Variants in PARD6G observed in about 807,000 individuals in gnomAD.
PARD6G encodes the protein par-6 family cell polarity regulator gamma.
A neutral mutation model predicts 10.7 loss-of-function variants in PARD6G; 7 were observed. The observed-to-expected ratio is 0.66, with a 90% CI of 0.37 to 1.23. The LOEUF (loss-of-function observed/expected upper bound fraction) is 1.23, where lower values mean the gene tolerates loss of function less well. Ranked by LOEUF, PARD6G falls within the 50% of genes most tolerant of loss-of-function variation. The pLI is 0.02. For missense variants in PARD6G, 548 were observed against 571.8 expected, an observed-to-expected ratio of 0.96 and a Z score of 0.42; for synonymous variants, 287 against 269.4, an observed-to-expected ratio of 1.07 and a Z score of -0.64.
chr18:80,205,235 C>T (rs1372406391), intron 1 of PARD6G, among the ~76,000 whole-genome samples: 1 of 152,218 alleles, frequency 6.6e-6, no homozygotes, highest in Non-Finnish European at 1.5e-5. Flanking sequence ...GACACTGGTA[C>T]AGCATGTAGG....
intron 1 of PARD6G, among the ~76,000 whole-genome samples, chr18:80,222,393 G>A (rs1343689442): frequency 6.6e-6 from 1 of 152,072 alleles, no homozygotes; most frequent in Non-Finnish European, 1.5e-5. Context: ...CCAGCCGGAA[G>A]ACTTAATATT....
chr18:80,177,714 C>T (rs899987881), intron 2 of PARD6G, among the ~76,000 whole-genome samples: 13 of 151,264 alleles, frequency 8.6e-5, no homozygotes, highest in African/African-American at 2.7e-4. Flanking sequence ...CACATATACA[C>T]GCAAACACGC....
chr18:80,222,756 G>A (rs930144000), intron 1 of PARD6G, among the ~76,000 whole-genome samples: 1 of 152,002 alleles, frequency 6.6e-6, no homozygotes. Flanking sequence ...TCACTAAAAC[G>A]TCCATCTCCT....
chr18:80,159,825 G>C lies in PARD6G; in HGVS notation c.1077C>G (p.Ser359Arg). The change falls in exon 3 of 3, where the codon AGC becomes AGG. Residue 359 changes from serine to arginine, a missense_variant. Physicochemically the swap from Ser to Arg is moderately radical, Grantham distance 110. Coordinates refer to ENST00000353265, the MANE Select transcript of PARD6G (RefSeq NM_032510.4). ...LSSLRADPRHSLALPPGGVEE... is the reference protein window; with the variant it reads ...LSSLRADPRHRLALPPGGVEE... ...CCACGCCGCCTGGCGGCAGCGCCAG[G>C]CTGTGACGGGGGTCGGCCCGCAGGG... is the stretch of plus-strand genomic sequence containing the variant. 1 of 1,486,868 alleles carries C rather than the reference G, an allele frequency of 6.7e-7. No homozygotes were observed. Among genetic ancestry groups the C allele is most frequent in the Non-Finnish European group, 8.9e-7 (1 of 1,123,080 alleles). 92.1% of individuals were successfully genotyped at this position (1,486,868 alleles called of 1,614,324 possible).
chr18:80,169,993 G>A (rs11664365), intron 2 of PARD6G: 28,290 of 152,228 alleles, frequency 0.19, 2,833 homozygotes, highest in Middle Eastern at 0.28. Flanking sequence ...ACACCACGTC[G>A]GAGACTTCAG....
intron 2 of PARD6G, among the ~76,000 whole-genome samples, chr18:80,191,020 C>G (rs1018383867): frequency 6.6e-6 from 1 of 152,208 alleles, no homozygotes; most frequent in Non-Finnish European, 1.5e-5. Context: ...TCTCATCCAA[C>G]GGTAAAACAA....
chr18:80,231,264 G>A lies in PARD6G; in HGVS notation c.72+16013C>T, dbSNP rs2145301672. ...GGGGTTGGCCTGGGCCCAAGTGTGT[G>A]AGGCGTGAGCACAGGCTGCGCATCT... On this transcript the variant is annotated intron_variant, in intron 1 of 2. Transcript: ENST00000353265. The surrounding 1 kb of genome is among the most constrained non-coding windows in gnomAD (Gnocchi z 4.2). 6.6e-6 allele frequency among the ~76,000 whole-genome samples: 1 copy of A among 152,326 alleles called. No individual in the cohort carries two copies. Among genetic ancestry groups the A allele is most frequent in the Non-Finnish European group, 1.5e-5 (1 of 68,024 alleles).
At position 80,166,278 on chromosome 18, in the gene PARD6G, G is replaced by T. The variant is rs560939257; in HGVS notation, c.296-5672C>A. On this transcript the variant is annotated intron_variant, in intron 2 of 2. Transcript: ENST00000353265. Reference sequence around the variant, plus strand: ...ACACAGCACACCACCCCAATCATGAGTGTGTTCCTCCTCTCTGCCGCACCC... The same window carrying T: ...ACACAGCACACCACCCCAATCATGATTGTGTTCCTCCTCTCTGCCGCACCC... 6.6e-4 allele frequency among the ~76,000 whole-genome samples: 100 copies of T among 151,054 alleles called. 1 individual carries two copies. Among genetic ancestry groups the T allele is most frequent in the African/African-American group, 2.3e-3 (95 of 40,826 alleles).
chr18:80,158,277 G>T lies in PARD6G; in HGVS notation c.*1494C>A, dbSNP rs1038449256. Reference sequence around the variant, plus strand: ...TAGCATGTATTGTGACTTACTAAAAGAAACGTCTGTTTCAGAAAACAAAGA... The same window carrying T: ...TAGCATGTATTGTGACTTACTAAAATAAACGTCTGTTTCAGAAAACAAAGA... On this transcript the variant is annotated 3_prime_UTR_variant, in exon 3 of 3. Coordinates refer to ENST00000353265, the MANE Select transcript of PARD6G (RefSeq NM_032510.4). The T allele has an allele frequency of 6.6e-6, 1 of 152,200 alleles. No individual in the cohort carries two copies. Among genetic ancestry groups the T allele is most frequent in the Non-Finnish European group, 1.5e-5 (1 of 68,022 alleles). 9.4% of individuals were successfully genotyped at this position (152,200 alleles called of 1,614,324 possible).
chr18:80,230,272 G>A (rs1166179657), intron 1 of PARD6G, among the ~76,000 whole-genome samples: 2 of 152,222 alleles, frequency 1.3e-5, no homozygotes, highest in Non-Finnish European at 2.9e-5. Flanking sequence ...GGGAGCACCT[G>A]TGCACATCTG....
chr18:80,184,238 G>A lies in PARD6G; in HGVS notation c.295+18472C>T, dbSNP rs2052861846. On this transcript the variant is annotated intron_variant, in intron 2 of 2. Coordinates refer to ENST00000353265, the MANE Select transcript of PARD6G (RefSeq NM_032510.4). The surrounding 1 kb of genome is among the most constrained non-coding windows in gnomAD (Gnocchi z 4.5). ...GTCCGCTCTTATTCCTTTCAGCCTC[G>A]GCACTGATGGTCCTAGGGCAACTCT... 6.6e-6 allele frequency: 1 copy of A among 152,206 alleles called. No individual in the cohort carries two copies. The highest frequency in any genetic ancestry group is 1.5e-5 in the Non-Finnish European group (1 of 68,048). The allele number at this position is 152,206 out of a possible 1,614,324, so 9.4% of individuals were successfully genotyped here.
intron 2 of PARD6G, among the ~76,000 whole-genome samples, chr18:80,165,730 T>G (rs1417533111): frequency 7.2e-6 from 1 of 138,474 alleles, no homozygotes; most frequent in African/African-American, 2.4e-5. Context: ...AGTAAAGGTT[T>G]GTTTTGAAAA....
Position 80,159,567 on chromosome 18 carries a change from C to G in PARD6G, c.*204G>C, listed in dbSNP as rs9945590. ...TGCACTCAGGCCTGGTATAGAGTGT[C>G]TCTACAGGCGTTCATTTTAAGTTCT... is the stretch of plus-strand genomic sequence containing the variant. On this transcript the variant is annotated 3_prime_UTR_variant, in exon 3 of 3. Coordinates refer to ENST00000353265, the MANE Select transcript of PARD6G (RefSeq NM_032510.4). 156,275 of 778,420 alleles carry G rather than the reference C, an allele frequency of 0.2. 16,711 individuals carry two copies. Among genetic ancestry groups the G allele is most frequent in the Middle Eastern group, 0.24 (612 of 2,568 alleles). 48.2% of individuals were successfully genotyped at this position (778,420 alleles called of 1,614,324 possible).
At position 80,224,086 on chromosome 18, in the gene PARD6G, C is replaced by T. The variant is rs367600194; in HGVS notation, c.73-21154G>A. On this transcript the variant is annotated intron_variant, in intron 1 of 2. Coordinates refer to ENST00000353265, the MANE Select transcript of PARD6G (RefSeq NM_032510.4). Reference sequence around the variant, plus strand: ...ACCCTGACCCCAAACTACAAAAGTCCTCAGTCCTCCTTCTCTAATTCAGAA... The same window carrying T: ...ACCCTGACCCCAAACTACAAAAGTCTTCAGTCCTCCTTCTCTAATTCAGAA... Among the ~76,000 whole-genome samples, 350 of 152,302 alleles carry T rather than the reference C, an allele frequency of 2.3e-3. 2 individuals are homozygous for T. Among genetic ancestry groups the T allele is most frequent in the Middle Eastern group, 0.01 (3 of 294 alleles).
At chr18:80,194,606 G>C (rs1216659188) in intron 2 of PARD6G, among the ~76,000 whole-genome samples, 1 of 152,110 alleles carries the variant, frequency 6.6e-6, no homozygotes, top group Non-Finnish European at 1.5e-5. Context: ...CGAGATCTTA[G>C]TTCCGTGGGG....
At chr18:80,238,884 G>A (rs1967458496) in intron 1 of PARD6G, among the ~76,000 whole-genome samples, 1 of 152,120 alleles carries the variant, frequency 6.6e-6, no homozygotes, top group East Asian at 1.9e-4. Flanking sequence ...AGTGGGAGGT[G>A]ACAGATAGAC....
rs1317497847 is a variant in PARD6G, at chr18:80,161,979, G to C, written c.296-1373C>G. ...ATGGAGGCAACATTCAGGCAGCTTG[G>C]AGAGGAGGCCAATGCTCAGGCATCA... is the stretch of plus-strand genomic sequence containing the variant. On this transcript the variant is annotated intron_variant, in intron 2 of 2. Transcript: ENST00000353265. This position sits in a 1 kb window ranked among gnomAD's most constrained non-coding sequence, Gnocchi z 4.6. The C allele has an allele frequency of 6.6e-6, 1 of 152,338 alleles. No homozygotes were observed. The highest frequency in any genetic ancestry group is 1.5e-5 in the Non-Finnish European group (1 of 68,128). 9.4% of individuals were successfully genotyped at this position (152,338 alleles called of 1,614,324 possible).
At chr18:80,237,003 A>G (rs1396597564) in intron 1 of PARD6G, among the ~76,000 whole-genome samples, 3 of 152,204 alleles carry the variant, frequency 2.0e-5, no homozygotes, top group Non-Finnish European at 4.4e-5. Flanking sequence ...AAACTACTTT[A>G]AAGTTCATAT....
At chr18:80,220,681 G>T (rs937767353) in intron 1 of PARD6G, among the ~76,000 whole-genome samples, 1 of 151,756 alleles carries the variant, frequency 6.6e-6, no homozygotes, top group Admixed American at 6.6e-5. Flanking sequence ...CATAATCTTG[G>T]TTCACTGCAA....
Sources: gnomAD v4.1 joint callset for allele counts (sites outside exome capture counted in the v4.1 genomes callset) on GRCh38, gnomAD v4.1.1 for gene constraint, Gnocchi (gnomAD v3.1) non-coding constraint, MANE v1.5 for transcripts, NCBI Gene and HGNC (gene_info 2026-07-23, HGNC 2026-07-21) for gene names.